The following DISC1 variants were observed in gnomAD, a reference collection of about 807,000 sequenced individuals.
DISC1 encodes DISC1 scaffold protein.
In DISC1, 57 loss-of-function variants were observed where a neutral mutation model predicts 84.5. The observed-to-expected ratio is 0.67, with a 90% CI of 0.55 to 0.84. The LOEUF is 0.84. Ranked by LOEUF, DISC1 falls within the 40% of genes least tolerant of loss-of-function variation. The pLI is 0.00. For synonymous variants in DISC1, 411 were observed against 415.2 expected, an observed-to-expected ratio of 0.99 and a Z score of 0.12; for missense variants, 1,000 against 1,057.8, an observed-to-expected ratio of 0.95 and a Z score of 0.76.
chr1:232,011,694 G>A (rs1668031308), intron 11 of DISC1, among the ~76,000 whole-genome samples: 1 of 151,512 alleles, frequency 6.6e-6, no homozygotes, highest in Admixed American at 6.5e-5. Context: ...TGTGGTGGTA[G>A]TTACGTGACT....
intron 4 of DISC1, among the ~76,000 whole-genome samples, chr1:231,765,473 T>G (rs2076104297): frequency 6.6e-6 from 1 of 152,342 alleles, no homozygotes; most frequent in African/African-American, 2.4e-5. Flanking sequence ...TATCCCTTTT[T>G]CTGCCATATG....
intron 9 of DISC1, among the ~76,000 whole-genome samples, chr1:231,903,878 C>A (rs1329792097): frequency 3.3e-5 from 5 of 152,220 alleles, no homozygotes; most frequent in African/African-American, 9.6e-5. Flanking sequence ...AGAAGAGTCA[C>A]GTGATCTGAC....
chr1:231,793,681 A>G (rs955011180), intron 6 of DISC1, among the ~76,000 whole-genome samples: 9 of 152,208 alleles, frequency 5.9e-5, no homozygotes, highest in African/African-American at 2.2e-4. Context: ...TTTCTAAAAA[A>G]CAAAAACACT....
intron 3 of DISC1, among the ~76,000 whole-genome samples, chr1:231,737,118 A>G (rs1480312595): frequency 6.6e-6 from 1 of 152,262 alleles, no homozygotes; most frequent in East Asian, 1.9e-4. Context: ...TTGCAGTAGC[A>G]TAAAAAATAA....
intron 7 of DISC1, 145 bp downstream of exon 7, chr1:231,795,441 T>G: frequency 8.1e-5 from 52 of 642,632 alleles, no homozygotes; most frequent in Middle Eastern, 4.3e-4. Flanking sequence ...AATGATGAGT[T>G]AAAAGAGCCA....
At chr1:231,856,471 T>C (rs1176369061) in intron 9 of DISC1, among the ~76,000 whole-genome samples, 2 of 152,262 alleles carry the variant, frequency 1.3e-5, no homozygotes, top group African/African-American at 4.8e-5. Context: ...AAGGATGAGC[T>C]TACTTCCAGG....
At chr1:231,632,777 A>G (rs1395223361) in intron 1 of DISC1, among the ~76,000 whole-genome samples, 1 of 152,194 alleles carries the variant, frequency 6.6e-6, no homozygotes, top group East Asian at 1.9e-4. Flanking sequence ...GCTCTTAAAA[A>G]CTTAGATTTT....
intron 9 of DISC1, among the ~76,000 whole-genome samples, chr1:231,894,096 A>T (rs1001233188): frequency 1.3e-5 from 2 of 152,210 alleles, no homozygotes; most frequent in Admixed American, 1.3e-4. Flanking sequence ...GTGGTATTGC[A>T]TACACTGGCT....
Position 232,026,424 on chromosome 1 carries a change from CCT to C in DISC1, c.2308-7_2308-6del, listed in dbSNP as rs1468844322. ...CACTAACAAGTGATCTTGTTTTCCC[CCT>C]CTCGCCAGGAATCTTACATCCTTTC... On this transcript the variant is annotated splice_polypyrimidine_tract_variant and intron_variant, in intron 11 of 12. Transcript: ENST00000439617. 2.5e-6 allele frequency: 4 copies of C among 1,569,952 alleles called. No homozygotes were observed. The highest frequency in any genetic ancestry group is 2.3e-5 in the South Asian group (2 of 86,208).
At chr1:231,979,407 G>C (rs1373772732) in intron 10 of DISC1, among the ~76,000 whole-genome samples, 1 of 151,938 alleles carries the variant, frequency 6.6e-6, no homozygotes, top group Non-Finnish European at 1.5e-5. Flanking sequence ...TAGATGCTCA[G>C]AGCTACTTGG....
chr1:231,766,566 T>C (rs1216641190), intron 4 of DISC1, among the ~76,000 whole-genome samples: 1 of 152,148 alleles, frequency 6.6e-6, no homozygotes, highest in Non-Finnish European at 1.5e-5. Flanking sequence ...AGATTCTAAA[T>C]GAGCAGAGGA....
rs112064291 is a variant in DISC1, at chr1:231,827,177, G to A, written c.1981+8660G>A. Reference sequence around the variant, plus strand: ...TAATTTTTGTATTTTTAGTAGAGACGGGGTTTCACCATCCTGGCCAGGCTG... The same window carrying A: ...TAATTTTTGTATTTTTAGTAGAGACAGGGTTTCACCATCCTGGCCAGGCTG... On this transcript the variant is annotated intron_variant, in intron 9 of 12. Coordinates refer to ENST00000439617, the MANE Select transcript of DISC1 (RefSeq NM_018662.3). 3.9e-3 allele frequency among the ~76,000 whole-genome samples: 596 copies of A among 152,014 alleles called. 2 individuals carry two copies. The highest frequency in any genetic ancestry group is 5.9e-3 in the Non-Finnish European group (403 of 67,958).
intron 1 of DISC1, among the ~76,000 whole-genome samples, chr1:231,665,245 G>A (rs1426465944): frequency 2.6e-5 from 4 of 152,186 alleles, no homozygotes; most frequent in Non-Finnish European, 4.4e-5. Flanking sequence ...GTCTGCACAT[G>A]AGCAGTTTCT....
intron 6 of DISC1, among the ~76,000 whole-genome samples, chr1:231,790,811 C>A (rs2078290407): frequency 6.6e-6 from 1 of 152,196 alleles, no homozygotes; most frequent in Admixed American, 6.5e-5. Flanking sequence ...AGCCACCGCG[C>A]CTGGCCTTCC....
chr1:231,976,662 T>C (rs1662858360), intron 10 of DISC1, among the ~76,000 whole-genome samples: 1 of 152,178 alleles, frequency 6.6e-6, no homozygotes, highest in African/African-American at 2.4e-5. Flanking sequence ...TGGGCTTAAC[T>C]CCATACCTTT....
chr1:231,803,458 G>A (rs1439276157), intron 8 of DISC1, among the ~76,000 whole-genome samples: 4 of 152,090 alleles, frequency 2.6e-5, no homozygotes, highest in Non-Finnish European at 2.9e-5. Flanking sequence ...TCATAAGGTC[G>A]CTGTTAAGAC....
chr1:231,958,761 GT>G, intron 9 of DISC1, 66 bp from the exon 10 acceptor site: 1 of 1,496,332 alleles, frequency 6.7e-7, no homozygotes, highest in Non-Finnish European at 9.3e-7. Flanking sequence ...TGAGCTTTTA[GT>G]TGAATGGTTT....
intron 3 of DISC1, among the ~76,000 whole-genome samples, chr1:231,712,954 A>C (rs892411556): frequency 1.3e-5 from 2 of 152,222 alleles, no homozygotes; most frequent in African/African-American, 2.4e-5. Context: ...GTAGAAATCC[A>C]TGCATATACT....
intron 1 of DISC1, among the ~76,000 whole-genome samples, chr1:231,684,217 T>C (rs750516574): frequency 3.3e-5 from 5 of 152,078 alleles, no homozygotes; most frequent in Admixed American, 1.3e-4. Flanking sequence ...TCATAGCTCA[T>C]TGCAGCCCTG....
Sources: gnomAD v4.1 joint callset for allele counts (sites outside exome capture counted in the v4.1 genomes callset) on GRCh38, gnomAD v4.1.1 for gene constraint, MANE v1.5 for transcripts, NCBI Gene and HGNC (gene_info 2026-07-23, HGNC 2026-07-21) for gene names.